Variants in ABTB3 observed in about 807,000 individuals in gnomAD.
ABTB3 encodes ankyrin repeat and BTB domain containing 3, also known as ankyrin repeat- and BTB/POZ domain-containing protein 3.
At chr12:107,640,479 A>G in the ABTB3 span, 1 of 1,081,848 alleles carries the variant, frequency 9.2e-7, no homozygotes, top group Non-Finnish European at 1.4e-6. Context: ...CTATTTTTTG[A>G]AGTTCAATTT....
chr12:107,321,865 A>G, the ABTB3 span, among the ~76,000 whole-genome samples: 2 of 151,374 alleles, frequency 1.3e-5, no homozygotes, highest in Non-Finnish European at 2.9e-5. Context: ...CTCCTTACCC[A>G]CCTTCTGGGC....
At chr12:107,364,376 C>A in the ABTB3 span, among the ~76,000 whole-genome samples, 2 of 151,810 alleles carry the variant, frequency 1.3e-5, no homozygotes, top group African/African-American at 4.8e-5. Flanking sequence ...GCAACCTCTG[C>A]CTCCCGGGTT....
the ABTB3 span, among the ~76,000 whole-genome samples, chr12:107,602,851 G>A: frequency 6.6e-6 from 1 of 152,160 alleles, no homozygotes; most frequent in Non-Finnish European, 1.5e-5. Context: ...CTGTCCTCAG[G>A]CCTGCAGGCT....
chr12:107,388,374 C>G, the ABTB3 span, among the ~76,000 whole-genome samples: 1 of 151,318 alleles, frequency 6.6e-6, no homozygotes, highest in Admixed American at 6.6e-5. Context: ...ATTCTGCCTT[C>G]TATTCTTTAT....
chr12:107,561,735 C>T, the ABTB3 span, among the ~76,000 whole-genome samples: 6 of 152,288 alleles, frequency 3.9e-5, no homozygotes, highest in Non-Finnish European at 5.9e-5. Context: ...CCGCTCTCCC[C>T]GTTCATGTAT....
chr12:107,535,265 A>C, the ABTB3 span, among the ~76,000 whole-genome samples: 2 of 152,170 alleles, frequency 1.3e-5, no homozygotes, highest in African/African-American at 4.8e-5. Context: ...AATTAGGCAT[A>C]GAAGGAAAAA....
At chr12:107,379,899 A>G in the ABTB3 span, among the ~76,000 whole-genome samples, 1 of 152,212 alleles carries the variant, frequency 6.6e-6, no homozygotes, top group Non-Finnish European at 1.5e-5. Flanking sequence ...TCTGGGCTCA[A>G]GTTCCTTAAC....
the ABTB3 span, among the ~76,000 whole-genome samples, chr12:107,430,062 T>A: frequency 6.6e-6 from 1 of 152,264 alleles, no homozygotes; most frequent in Non-Finnish European, 1.5e-5. Context: ...CTTAAAGCTA[T>A]AATTTACAAA....
At chr12:107,514,375 C>G in the ABTB3 span, among the ~76,000 whole-genome samples, 1 of 152,130 alleles carries the variant, frequency 6.6e-6, no homozygotes, top group Non-Finnish European at 1.5e-5. Context: ...ACAACACACT[C>G]AAAGTAACAG....
the ABTB3 span, among the ~76,000 whole-genome samples, chr12:107,550,688 C>A: frequency 6.6e-6 from 1 of 150,516 alleles, no homozygotes; most frequent in Non-Finnish European, 1.5e-5. Flanking sequence ...TCAAGCGATT[C>A]TCCCGCCTCG....
At chr12:107,360,632 A>G in the ABTB3 span, among the ~76,000 whole-genome samples, 1 of 152,230 alleles carries the variant, frequency 6.6e-6, no homozygotes, top group Non-Finnish European at 1.5e-5. Flanking sequence ...AAAGTCAGGG[A>G]AGATGCACAG....
chr12:107,645,683 G>T, the ABTB3 span, among the ~76,000 whole-genome samples: 1 of 152,190 alleles, frequency 6.6e-6, no homozygotes, highest in African/African-American at 2.4e-5. Context: ...ACTAACTGGG[G>T]AGGTTCCTGT....
At chr12:107,603,895 C>A in the ABTB3 span, among the ~76,000 whole-genome samples, 406 of 152,276 alleles carry the variant, frequency 2.7e-3, 9 homozygotes, top group East Asian at 0.044. Flanking sequence ...GAGGGCCGGG[C>A]GTGGTGGCTC....
At chr12:107,559,615 G>T in the ABTB3 span, among the ~76,000 whole-genome samples, 6,223 of 152,294 alleles carry the variant, frequency 0.041, 418 homozygotes, top group African/African-American at 0.14. Flanking sequence ...CCAGCACGCA[G>T]CTGGTTTTCA....
the ABTB3 span, among the ~76,000 whole-genome samples, chr12:107,559,300 C>T: frequency 6.6e-6 from 1 of 152,346 alleles, no homozygotes; most frequent in African/African-American, 2.4e-5. Context: ...ATTGGCCTCC[C>T]CAGGTTGTTG....
chr12:107,550,303 T>C, the ABTB3 span, among the ~76,000 whole-genome samples: 2 of 152,038 alleles, frequency 1.3e-5, no homozygotes, highest in Admixed American at 1.3e-4. Flanking sequence ...ACAGGACCTG[T>C]CATTGTTTCC....
the ABTB3 span, among the ~76,000 whole-genome samples, chr12:107,545,131 G>C: frequency 3.9e-5 from 6 of 152,336 alleles, no homozygotes; most frequent in African/African-American, 1.4e-4. Flanking sequence ...CTGCCAGATG[G>C]ATTGGGGCTG....
chr12:107,622,742 G>A, the ABTB3 span, among the ~76,000 whole-genome samples: 1 of 152,188 alleles, frequency 6.6e-6, no homozygotes, highest in Non-Finnish European at 1.5e-5. Flanking sequence ...CCCAGGTGCT[G>A]GGATTACAGG....
At chr12:107,512,352 T>G in the ABTB3 span, among the ~76,000 whole-genome samples, 1 of 152,252 alleles carries the variant, frequency 6.6e-6, no homozygotes. Flanking sequence ...GGCTGTGAGC[T>G]TCCTAGTAGG....
Sources: gnomAD v4.1 joint callset for allele counts (sites outside exome capture counted in the v4.1 genomes callset) on GRCh38, gnomAD v4.1.1 for gene constraint, MANE v1.5 for transcripts, NCBI Gene and HGNC (gene_info 2026-07-23, HGNC 2026-07-21) for gene names.